The following PRIM2 variants were observed in gnomAD, a reference collection of about 807,000 sequenced individuals.
PRIM2 encodes the protein DNA primase large subunit.
Under a neutral mutation model 67.3 loss-of-function variants are expected in PRIM2, and 39 were observed. The ratio of observed to expected loss-of-function variants is 0.58; its 90% CI spans 0.45 to 0.76. PRIM2 has a LOEUF of 0.76. Ranked by LOEUF, PRIM2 falls within the 30% of genes least tolerant of loss-of-function variation. PRIM2 has a pLI of 0.00. For synonymous variants in PRIM2, 143 were observed against 198.7 expected, an observed-to-expected ratio of 0.72 and a Z score of 2.36; for missense variants, 398 against 598.7, an observed-to-expected ratio of 0.66 and a Z score of 3.50.
At chr6:57,242,393 C>CT in the PRIM2 span, among the ~76,000 whole-genome samples, 1 of 151,796 alleles carries the variant, frequency 6.6e-6, no homozygotes, top group African/African-American at 2.4e-5. Flanking sequence ...TTTTAATCTA[C>CT]TAACAATGTT....
chr6:57,270,824 G>GT, the PRIM2 span, among the ~76,000 whole-genome samples: 1 of 151,956 alleles, frequency 6.6e-6, no homozygotes, highest in Non-Finnish European at 1.5e-5. Flanking sequence ...TTTATTGAGA[G>GT]TTTTTAGCAT....
intron 7 of PRIM2, among the ~76,000 whole-genome samples, chr6:57,447,503 G>A (rs1755940699): frequency 6.6e-6 from 1 of 152,196 alleles, no homozygotes; most frequent in African/African-American, 2.4e-5. Flanking sequence ...GAAAAGGAAG[G>A]CAGGCATTCC....
chr6:57,470,000 G>C (rs1773297281), intron 7 of PRIM2, among the ~76,000 whole-genome samples: 2 of 151,784 alleles, frequency 1.3e-5, no homozygotes, highest in Non-Finnish European at 2.9e-5. Flanking sequence ...TACTTTGGAG[G>C]CTAAAAATGC....
upstream of PRIM2, among the ~76,000 whole-genome samples, chr6:57,314,257 A>G (rs1767439436): frequency 6.6e-6 from 1 of 152,210 alleles, no homozygotes; most frequent in South Asian, 2.1e-4. Flanking sequence ...GCTCACGCCT[A>G]TAATCCCAGC....
chr6:57,246,249 A>G, the PRIM2 span, among the ~76,000 whole-genome samples: 1 of 152,196 alleles, frequency 6.6e-6, no homozygotes, highest in Non-Finnish European at 1.5e-5. Context: ...CTATGTTTCA[A>G]AGGTATCAAC....
intron 13 of PRIM2, among the ~76,000 whole-genome samples, chr6:57,633,813 G>A (rs1777074038): frequency 6.6e-6 from 1 of 152,174 alleles, no homozygotes; most frequent in African/African-American, 2.4e-5. Flanking sequence ...AACTCAGGCA[G>A]TGATGCAAGT....
chr6:57,512,991 A>G (rs1426052896), intron 8 of PRIM2, among the ~76,000 whole-genome samples: 1 of 151,990 alleles, frequency 6.6e-6, no homozygotes, highest in Non-Finnish European at 1.5e-5. Flanking sequence ...AGACTATACC[A>G]TTTTTCAAAA....
chr6:57,428,556 C>T (rs1441578098), intron 7 of PRIM2, among the ~76,000 whole-genome samples: 1 of 152,136 alleles, frequency 6.6e-6, no homozygotes, highest in Non-Finnish European at 1.5e-5. Context: ...TGACAGCATG[C>T]CTACAAGTAC....
Position 57,608,780 on chromosome 6 carries a change from G to T in PRIM2, c.1230+2323G>T, listed in dbSNP as rs1456372875. 6.7e-3 allele frequency among the ~76,000 whole-genome samples: 1,017 copies of T among 152,024 alleles called. 13 individuals are homozygous for T. The highest frequency in any genetic ancestry group is 0.022 in the African/African-American group (931 of 41,454). ...AGTGGTATTAGCTTAAGCATCATAG[G>T]ATTGTTCATTTCCTGGTTTAAGACC... On this transcript the variant is annotated intron_variant, in intron 12 of 13. Transcript: ENST00000615550.
chr6:57,414,312 A>T (rs1216113531), intron 7 of PRIM2, among the ~76,000 whole-genome samples: 1 of 152,192 alleles, frequency 6.6e-6, no homozygotes, highest in Non-Finnish European at 1.5e-5. Context: ...CCATCTTGGT[A>T]TCCCTAATGC....
At chr6:57,639,215 A>G (rs1777181011) in intron 13 of PRIM2, among the ~76,000 whole-genome samples, 1 of 152,180 alleles carries the variant, frequency 6.6e-6, no homozygotes, top group Admixed American at 6.5e-5. Flanking sequence ...GAGAACAAAG[A>G]CACAACGTAC....
intron 13 of PRIM2, among the ~76,000 whole-genome samples, chr6:57,643,176 GCTAA>G (rs1445062837): frequency 2.6e-5 from 4 of 152,100 alleles, no homozygotes; most frequent in African/African-American, 9.7e-5. Context: ...TAAATGTATT[GCTAA>G]CTGACAACTT....
intron 12 of PRIM2, 36 bp downstream of exon 12, chr6:57,606,493 G>A (rs1443801561): frequency 1.3e-5 from 19 of 1,514,822 alleles, no homozygotes; most frequent in Non-Finnish European, 1.5e-5. Context: ...CTGCAGTAAC[G>A]AGGCCTTAGA....
chr6:57,246,014 A>G, the PRIM2 span, among the ~76,000 whole-genome samples: 1 of 152,256 alleles, frequency 6.6e-6, no homozygotes, highest in Non-Finnish European at 1.5e-5. Flanking sequence ...TTGCACACTT[A>G]TTGTATCACA....
chr6:57,513,103 C>T (rs1436441148), intron 8 of PRIM2, among the ~76,000 whole-genome samples: 44 of 151,840 alleles, frequency 2.9e-4, no homozygotes, highest in African/African-American at 9.9e-4. Flanking sequence ...TCTGCTTTCA[C>T]CAAATTGCAT....
chr6:57,556,782 C>G (rs1167064635), intron 10 of PRIM2, among the ~76,000 whole-genome samples: 3 of 152,136 alleles, frequency 2.0e-5, no homozygotes, highest in African/African-American at 7.2e-5. Flanking sequence ...CAAATAGGAT[C>G]TAATTAAACT....
intron 13 of PRIM2, among the ~76,000 whole-genome samples, chr6:57,643,528 G>T (rs1342468734): frequency 6.6e-5 from 10 of 152,120 alleles, no homozygotes; most frequent in Non-Finnish European, 8.8e-5. Context: ...TCTAATCTCT[G>T]ATTCTCTGTT....
intron 5 of PRIM2, among the ~76,000 whole-genome samples, chr6:57,372,213 G>T (rs1769586005): frequency 6.6e-6 from 1 of 152,164 alleles, no homozygotes; most frequent in African/African-American, 2.4e-5. Flanking sequence ...TCCAGTTGAT[G>T]AATTTGTCTT....
intron 12 of PRIM2, among the ~76,000 whole-genome samples, chr6:57,613,626 T>C (rs1183182817): frequency 2.6e-5 from 4 of 152,136 alleles, no homozygotes; most frequent in Admixed American, 1.3e-4. Flanking sequence ...TGCCACACTT[T>C]TATGGGATCT....
Sources: allele counts gnomAD v4.1 joint callset (sites outside exome capture counted in the v4.1 genomes callset), GRCh38; gene constraint gnomAD v4.1.1; transcripts MANE v1.5; gene names NCBI Gene and HGNC (gene_info 2026-07-23, HGNC 2026-07-21).